The following CELSR1 variants were observed in gnomAD, a reference collection of about 807,000 sequenced individuals.
The protein encoded by CELSR1 is adhesion G protein-coupled receptor C1.
In CELSR1, 110 loss-of-function variants were observed where a neutral mutation model predicts 249.1. The observed-to-expected ratio is 0.44, with a 90% CI of 0.38 to 0.52. CELSR1 has a LOEUF of 0.52. CELSR1 is among the 20% of genes least tolerant of loss of function. The pLI, the probability that CELSR1 is intolerant of heterozygous loss-of-function variation, is 0.00. For missense variants in CELSR1, 4,109 were observed against 4,296.4 expected (o/e 0.96, Z 1.22); for synonymous variants, 2,113 against 1,900.0 (o/e 1.11, Z -2.92).
chr22:46,464,381 C>G lies in CELSR1; in HGVS notation c.3545-36G>C, dbSNP rs750296997. The G allele has an allele frequency of 6.3e-7, 1 of 1,584,276 alleles. No individual in the cohort carries two copies. Among genetic ancestry groups the G allele is most frequent in the Non-Finnish European group, 8.6e-7 (1 of 1,165,582 alleles). ...AAGGAAAGTCAGGGTCATTCAGATG[C>G]TGCGGGAGTCACAGGTCCTATAGGC... On this transcript the variant is annotated intron_variant, in intron 1 of 34. Transcript: ENST00000674500. This position sits in a 1 kb window ranked among gnomAD's most constrained non-coding sequence, Gnocchi z 8.5.
chr22:46,381,992 C>A lies in CELSR1; in HGVS notation c.6942G>T (p.Gly2314=), dbSNP rs778539594. The A allele has an allele frequency of 7.7e-6, 12 of 1,564,782 alleles. No homozygotes were observed. The Admixed American group carries it at 1.8e-4, about 24-fold the overall frequency. Reference sequence around the variant, plus strand: ...TCGGGGCCTCCCTCTCGGTGCCAGGCCCCGGGCGCGTGGTCTGCGGGGTGG... The same window carrying A: ...TCGGGGCCTCCCTCTCGGTGCCAGGACCCGGGCGCGTGGTCTGCGGGGTGG... ...RRTTPQTTRP[G]PGTEREAPIS... Residue 2314 remains glycine (G), a synonymous_variant, in exon 21 of 35, where the codon GGG becomes GGT. Coordinates refer to ENST00000674500, the MANE Select transcript of CELSR1 (RefSeq NM_001378328.1). This position sits in a 1 kb window ranked among gnomAD's most constrained non-coding sequence, Gnocchi z 6.0.
intron 27 of CELSR1, 28 bp from the exon 28 acceptor site, chr22:46,367,883 C>G: frequency 6.3e-7 from 1 of 1,593,740 alleles, no homozygotes; most frequent in East Asian, 2.3e-5. Flanking sequence ...CAGGCCTGTG[C>G]CCATCGCCAC....
At chr22:46,485,956 GA>G in intron 1 of CELSR1, among the ~76,000 whole-genome samples, 1 of 60,600 alleles carries the variant, frequency 1.7e-5, no homozygotes, top group Non-Finnish European at 3.0e-5. Context: ...TTTTTTTTTT[GA>G]GACTGAGTCT....
Position 46,364,509 on chromosome 22 carries a change from C to T in CELSR1, c.8779+3G>A. On this transcript the variant is annotated splice_donor_region_variant and intron_variant, in intron 33 of 34. Coordinates refer to ENST00000674500, the MANE Select transcript of CELSR1 (RefSeq NM_001378328.1). Reference sequence around the variant, plus strand: ...TCACTGCAGCCCCGGCCTCCCCAGGCACCTTTCCTCTGCTCTGGGGGCTGG... The same window carrying T: ...TCACTGCAGCCCCGGCCTCCCCAGGTACCTTTCCTCTGCTCTGGGGGCTGG... The T allele has an allele frequency of 6.2e-7, 1 of 1,607,242 alleles. No individual in the cohort carries two copies.
rs1367343485 is a variant in CELSR1 at position 46,517,631 on chromosome 22, C to T, written c.3544+15996G>A. ...ACACAGACGCACCCCTGACCTCTGACGGCCACATGCAGGACAGACAGGAAG... is the reference window on the plus strand; with the variant it reads ...ACACAGACGCACCCCTGACCTCTGATGGCCACATGCAGGACAGACAGGAAG... On this transcript the variant is annotated intron_variant, in intron 1 of 34. Coordinates refer to ENST00000674500, the MANE Select transcript of CELSR1 (RefSeq NM_001378328.1). The surrounding 1 kb of genome is among the most constrained non-coding windows in gnomAD (Gnocchi z 5.4). 6.6e-5 allele frequency among the ~76,000 whole-genome samples: 10 copies of T among 152,336 alleles called. No homozygotes were observed. The East Asian group carries it at 1.2e-3, about 18-fold the overall frequency.
chr22:46,415,626 TAA>T (rs113662013), intron 5 of CELSR1, among the ~76,000 whole-genome samples: 2,560 of 141,328 alleles, frequency 0.018, 72 homozygotes, highest in Middle Eastern at 0.064. Context: ...AGGAAAAAAT[TAA>T]AAAAAAAAAA....
rs1337045269 is a variant in CELSR1, at chr22:46,406,461, A to G, written c.5226+2535T>C. Among the ~76,000 whole-genome samples, 1 of 152,176 alleles carries G rather than the reference A, an allele frequency of 6.6e-6. No homozygotes were observed. Among genetic ancestry groups the G allele is most frequent in the Non-Finnish European group, 1.5e-5 (1 of 68,020 alleles). The stretch of plus-strand genomic sequence containing the variant: ...GTCCAGGCCTGAGCCCCTGCCCCAC[A>G]GCCCCGACCCATCTCCTGAGCCCTC... On this transcript the variant is annotated intron_variant, in intron 9 of 34. Coordinates refer to ENST00000674500, the MANE Select transcript of CELSR1 (RefSeq NM_001378328.1). This position sits in a 1 kb window ranked among gnomAD's most constrained non-coding sequence, Gnocchi z 5.4.
intron 1 of CELSR1, among the ~76,000 whole-genome samples, chr22:46,466,126 G>T (rs772483049): frequency 1.3e-5 from 2 of 152,346 alleles, no homozygotes; most frequent in East Asian, 3.9e-4. Context: ...CGTCCGCAGA[G>T]CCCAGAGGCA....
chr22:46,399,738 G>A lies in CELSR1; in HGVS notation c.5391C>T (p.Thr1797=). 1 of 1,614,042 alleles carries A rather than the reference G, an allele frequency of 6.2e-7. No homozygotes were observed. Among genetic ancestry groups the A allele is most frequent in the African/African-American group, 1.3e-5 (1 of 75,050 alleles). ...DSEMKHLVTM[T]LDYGMDQNKA... Reference sequence around the variant, plus strand: ...TCACCTGGTCCATCCCATAGTCCAAGGTCATGGTGACCAGGTGCTTCATCT... The same window carrying A: ...TCACCTGGTCCATCCCATAGTCCAAAGTCATGGTGACCAGGTGCTTCATCT... Residue 1797 remains threonine (T), a synonymous_variant, in exon 10 of 35, where the codon ACC becomes ACT. Transcript: ENST00000674500. The surrounding 1 kb of genome is among the most constrained non-coding windows in gnomAD (Gnocchi z 5.0).
rs1326318749 is a variant in CELSR1, at chr22:46,535,970, G to A, written c.1201C>T (p.Gln401Ter). The change falls in exon 1 of 35, where the codon CAG becomes TAG. Residue 401 changes from glutamine to a stop codon, truncating the protein, a stop_gained. Coordinates refer to ENST00000674500, the MANE Select transcript of CELSR1 (RefSeq NM_001378328.1). LOFTEE classifies it high-confidence loss of function. ...ACCACGCCAGAGCTCTCGTTGAGCT[G>A]GAAGACGTCCCACGCGCCCCCCAAC... ...RVLGGAWDVF[Q>*]LNESSGVVST... The A allele has an allele frequency of 6.2e-7, 1 of 1,610,362 alleles. No individual in the cohort carries two copies. The highest frequency in any genetic ancestry group is 8.5e-7 in the Non-Finnish European group (1 of 1,179,888).
intron 11 of CELSR1, 53 bp from the exon 12 acceptor site, chr22:46,397,901 G>GTTAA: frequency 7.2e-7 from 1 of 1,397,630 alleles, no homozygotes; most frequent in Non-Finnish European, 9.4e-7. Context: ...GGTATGTAGG[G>GTTAA]GTTAAGGGAA....
rs1051738414 is a variant in CELSR1 at position 46,527,231 on chromosome 22, G to A, written c.3544+6396C>T. Among the ~76,000 whole-genome samples, 4 of 152,154 alleles carry A rather than the reference G, an allele frequency of 2.6e-5. No homozygotes were observed. The East Asian group carries it at 7.7e-4, about 29-fold the overall frequency. ...ACATGGAGCACATCGGCTGAGATGT[G>A]TCTGACCATCTAAGCTGGCAAAGCC... On this transcript the variant is annotated intron_variant, in intron 1 of 34. Transcript: ENST00000674500. The surrounding 1 kb of genome is among the most constrained non-coding windows in gnomAD (Gnocchi z 5.5).
Position 46,377,184 on chromosome 22 carries a change from G to A in CELSR1, c.7461C>T (p.Phe2487=), listed in dbSNP as rs375742894. 56 of 1,613,914 alleles carry A rather than the reference G, an allele frequency of 3.5e-5. No individual in the cohort carries two copies. The highest frequency in any genetic ancestry group is 1.7e-4 in the African/African-American group (13 of 75,058). The change falls in exon 24 of 35, where the codon TTC becomes TTT. Residue 2487 remains phenylalanine (F), a synonymous_variant. Transcript: ENST00000674500. ...GCATGCGGACCAGGCTCAGGAGGAC[G>A]AAGGCCACCAGCAGGGCTGCCAGTG... The part of the protein sequence containing the change: ...SLSLAALLVA[F]VLLSLVRMLR...
At chr22:46,375,445 C>A (rs1372573402) in intron 24 of CELSR1, among the ~76,000 whole-genome samples, 1 of 152,114 alleles carries the variant, frequency 6.6e-6, no homozygotes, top group Non-Finnish European at 1.5e-5. Flanking sequence ...GCCCAGTGCC[C>A]TGGCTTCAGT....
In CELSR1 at chr22:46,464,541, C is replaced by T. The variant is rs2080075995; in HGVS notation, c.3545-196G>A. Among the ~76,000 whole-genome samples the T allele has an allele frequency of 6.6e-6, 1 of 151,218 alleles. No individual in the cohort carries two copies. Among genetic ancestry groups the T allele is most frequent in the African/African-American group, 2.4e-5 (1 of 41,042 alleles). On this transcript the variant is annotated intron_variant, in intron 1 of 34. Coordinates refer to ENST00000674500, the MANE Select transcript of CELSR1 (RefSeq NM_001378328.1). The surrounding 1 kb of genome is among the most constrained non-coding windows in gnomAD (Gnocchi z 8.5). ...CACCCTGGCCCCTGCCCCCCATGACCACCACCTTGACCCTCCCTCCTCCGG... is the reference window on the plus strand; with the variant it reads ...CACCCTGGCCCCTGCCCCCCATGACTACCACCTTGACCCTCCCTCCTCCGG...
chr22:46,381,019 G>C lies in CELSR1; in HGVS notation c.7089-64C>G. On this transcript the variant is annotated intron_variant, in intron 21 of 34. Transcript: ENST00000674500. The surrounding 1 kb of genome is among the most constrained non-coding windows in gnomAD (Gnocchi z 6.0). ...GAGGAAACATCTGCTTAAATCCCGCGCACAAATGCCCTGAGGACACGCCAT... is the reference window on the plus strand; with the variant it reads ...GAGGAAACATCTGCTTAAATCCCGCCCACAAATGCCCTGAGGACACGCCAT... 6.5e-7 allele frequency: 1 copy of C among 1,533,084 alleles called. No individual in the cohort carries two copies. The highest frequency in any genetic ancestry group is 1.1e-5 in the South Asian group (1 of 87,104). The allele number at this position is 1,533,084 out of a possible 1,614,324, so 95.0% of individuals were successfully genotyped here.
At chr22:46,457,664 G>A (rs904897269) in intron 2 of CELSR1, among the ~76,000 whole-genome samples, 5 of 152,214 alleles carry the variant, frequency 3.3e-5, no homozygotes, top group South Asian at 2.1e-4. Flanking sequence ...AAGGCTTCCC[G>A]GGAATGCCCA....
rs779584918 is a variant in CELSR1 at position 46,364,660 on chromosome 22, G to C, written c.8631C>G (p.Ser2877Arg). Residue 2877 changes from serine to arginine, a missense_variant, in exon 33 of 35, where the codon AGC becomes AGG. Coordinates refer to ENST00000674500, the MANE Select transcript of CELSR1 (RefSeq NM_001378328.1). ...SLAESDSEDP[S>R]GKPRLKVETK... ...TCTCCACCTTCAGGCGGGGCTTGCC[G>C]CTGGGGTCCTCACTGTCACTCTCAG... is the stretch of plus-strand genomic sequence containing the variant. The C allele has an allele frequency of 6.2e-6, 10 of 1,612,656 alleles. No individual in the cohort carries two copies. Among genetic ancestry groups the C allele is most frequent in the South Asian group, 3.3e-5 (3 of 91,086 alleles).
rs909606770 is a variant in CELSR1, at chr22:46,437,854, C to T, written c.4406+1335G>A. ...ACAAACACAAAGAAGAATACCCACACAGCACACTGATGCTTGGGCAGGGAA... is the reference window on the plus strand; with the variant it reads ...ACAAACACAAAGAAGAATACCCACATAGCACACTGATGCTTGGGCAGGGAA... On this transcript the variant is annotated intron_variant, in intron 3 of 34. Transcript: ENST00000674500. The surrounding 1 kb of genome is among the most constrained non-coding windows in gnomAD (Gnocchi z 4.9). Among the ~76,000 whole-genome samples the T allele has an allele frequency of 6.6e-5, 10 of 152,134 alleles. No individual in the cohort carries two copies. Among genetic ancestry groups the T allele is most frequent in the Non-Finnish European group, 1.0e-4 (7 of 68,040 alleles).
Sources: allele counts gnomAD v4.1 joint callset (sites outside exome capture counted in the v4.1 genomes callset), GRCh38; gene constraint gnomAD v4.1.1; non-coding constraint Gnocchi (gnomAD v3.1); transcripts MANE v1.5; gene names NCBI Gene and HGNC (gene_info 2026-07-23, HGNC 2026-07-21).